The following MYBPC3 variants were observed in gnomAD, a reference collection of about 807,000 sequenced individuals.
MYBPC3 encodes myosin binding protein C3, also known as myosin-binding protein C, cardiac-type.
In MYBPC3, 108 loss-of-function variants were observed where a neutral mutation model predicts 159.3. The ratio of observed to expected loss-of-function variants is 0.68; its 90% CI spans 0.58 to 0.80. The LOEUF is 0.80. Among genes scored for constraint, MYBPC3 ranks in the 30% least tolerant of loss-of-function variants. The pLI, the probability that MYBPC3 is intolerant of heterozygous loss-of-function variation, is 0.00. For missense variants in MYBPC3, 1,631 were observed against 1,762.1 expected (o/e 0.93, Z 1.33); for synonymous variants, 730 against 702.0 (o/e 1.04, Z -0.63).
At position 47,342,042 on chromosome 11, in the gene MYBPC3, T is replaced by C; in HGVS notation, c.1739A>G (p.Asn580Ser). 6.2e-7 allele frequency: 1 copy of C among 1,607,842 alleles called. No individual in the cohort carries two copies. The change falls in exon 18 of 35, where the codon AAT (asparagine) becomes AGT (serine). Residue 580 changes from asparagine to serine, a missense_variant. Physicochemically the swap from Asn to Ser is conservative, Grantham distance 46. Transcript: ENST00000545968. ...DENVRGVWLKNGKELVPDSRI... is the reference protein window; with the variant it reads ...DENVRGVWLKSGKELVPDSRI... ...GCTGTCGGGCACCAGCTCCTTCCCA[T>C]TCTTCAGCCACACACCCCGAACATT...
At chr11:47,344,476 A>C (rs1185071112) in intron 12 of MYBPC3, among the ~76,000 whole-genome samples, 2 of 152,204 alleles carry the variant, frequency 1.3e-5, no homozygotes, top group Non-Finnish European at 2.9e-5. Flanking sequence ...CTGCTCCACA[A>C]CAATGCCTCC....
chr11:47,340,529 T>C (rs1203837290), intron 20 of MYBPC3, among the ~76,000 whole-genome samples: 1 of 152,112 alleles, frequency 6.6e-6, no homozygotes, highest in Non-Finnish European at 1.5e-5. Flanking sequence ...TAGCTGGGCA[T>C]GGTGGCGGGC....
Position 47,346,903 on chromosome 11 carries a change from CT to C in MYBPC3, c.908+123del, listed in dbSNP as rs1263728776. On this transcript the variant is annotated intron_variant, in intron 10 of 34. Transcript: ENST00000545968. The surrounding 1 kb of genome is among the most constrained non-coding windows in gnomAD (Gnocchi z 5.3). ...AAGCCCAAGGCACAGAGACTCACCC[CT>C]GTCCGTGGGGAGCCGCACCCTGCTC... 7 of 731,630 alleles carry C rather than the reference CT, an allele frequency of 9.6e-6. No individual in the cohort carries two copies. Among genetic ancestry groups the C allele is most frequent in the African/African-American group, 1.7e-5 (1 of 57,962 alleles). The allele number at this position is 731,630 out of a possible 1,614,324, so 45.3% of individuals were successfully genotyped here.
rs2095886277 is a variant in MYBPC3, at chr11:47,339,672, G to A, written c.2046C>T (p.Ile682=). ...PISGDPAPTV[I]WQKAITQGNK... is the part of the protein sequence containing the mutation. The stretch of plus-strand genomic sequence containing the variant: ...GTACCTGCGTGATAGCCTTCTGCCA[G>A]ATCACAGTGGGAGCAGGGTCCCCAG... Residue 682 remains isoleucine (I), a synonymous_variant, in exon 21 of 35, where the codon ATC becomes ATT. Transcript: ENST00000545968. 1.9e-6 allele frequency: 3 copies of A among 1,608,792 alleles called. No individual in the cohort carries two copies. The highest frequency in any genetic ancestry group is 2.5e-6 in the Non-Finnish European group (3 of 1,177,090).
chr11:47,333,487 CA>C (rs1180707260), intron 29 of MYBPC3, 69 bp downstream of exon 29: 1 of 1,578,784 alleles, frequency 6.3e-7, no homozygotes, highest in East Asian at 2.3e-5. Context: ...CCCCTGGCCC[CA>C]CCCTTGGCCC....
Position 47,349,786 on chromosome 11 carries a change from G to A in MYBPC3, c.642C>T (p.Asp214=). The A allele has an allele frequency of 6.2e-7, 1 of 1,606,334 alleles. No individual in the cohort carries two copies. The change falls in exon 5 of 35, where the codon GAC becomes GAT. Residue 214 remains aspartate (D), a synonymous_variant. Transcript: ENST00000545968. Reference sequence around the variant, plus strand: ...CCGGTGGACCCACCTTGCTGGCGCGGTCGTAGCTGTCGTGCAGCTGCAGGT... The same window carrying A: ...CCGGTGGACCCACCTTGCTGGCGCGATCGTAGCTGTCGTGCAGCTGCAGGT... ...GQHLQLHDSY[D]RASKVYLFEL...
chr11:47,346,763 G>T lies in MYBPC3; in HGVS notation c.909-119C>A. On this transcript the variant is annotated intron_variant, in intron 10 of 34. Transcript: ENST00000545968. The surrounding 1 kb of genome is among the most constrained non-coding windows in gnomAD (Gnocchi z 5.3). Reference sequence around the variant, plus strand: ...TACTTCCTCCCTATTTTCCGCACTTGCACTCCCTGTGTTGTGGGGCACCCA... The same window carrying T: ...TACTTCCTCCCTATTTTCCGCACTTTCACTCCCTGTGTTGTGGGGCACCCA... The T allele has an allele frequency of 8.9e-7, 1 of 1,124,350 alleles. No homozygotes were observed. The highest frequency in any genetic ancestry group is 1.3e-6 in the Non-Finnish European group (1 of 790,828). 69.6% of individuals were successfully genotyped at this position (1,124,350 alleles called of 1,614,324 possible). A position where few individuals can be genotyped will look rare whatever the true frequency, so the allele number is the denominator to read the frequency against.
At chr11:47,342,494 G>A in intron 17 of MYBPC3, 84 bp downstream of exon 17, 1 of 1,423,662 alleles carries the variant, frequency 7.0e-7, no homozygotes, top group East Asian at 2.5e-5. Flanking sequence ...GCCCAGGTTT[G>A]CCTGCTCCCC....
At chr11:47,341,324 G>A in intron 18 of MYBPC3, 80 bp from the exon 19 acceptor site, 4 of 1,120,038 alleles carry the variant, frequency 3.6e-6, no homozygotes, top group Non-Finnish European at 5.1e-6. Context: ...CAGGGTCCCA[G>A]GAGGCCCTCA....
chr11:47,343,302 A>T lies in MYBPC3; in HGVS notation c.1224-40T>A, dbSNP rs770496728. 3 of 1,533,036 alleles carry T rather than the reference A, an allele frequency of 2.0e-6. No homozygotes were observed. The South Asian group carries it at 3.8e-5, about 19-fold the overall frequency. 95.0% of individuals were successfully genotyped at this position (1,533,036 alleles called of 1,614,324 possible). On this transcript the variant is annotated intron_variant, in intron 13 of 34. Transcript: ENST00000545968. ...GGGCCGTTGAAGTGTTCCCGACGGG[A>T]GGAAGTGAGCCCGAGACAAAAGGAG...
intron 30 of MYBPC3, 73 bp downstream of exon 30, chr11:47,333,121 T>C (rs1360831180): frequency 1.9e-6 from 3 of 1,545,118 alleles, no homozygotes; most frequent in Non-Finnish European, 2.6e-6. Context: ...GTGAGGACAG[T>C]GAAGGGTAGC....
intron 20 of MYBPC3, among the ~76,000 whole-genome samples, chr11:47,340,251 A>T (rs1595845140): frequency 6.6e-6 from 1 of 151,940 alleles, no homozygotes; most frequent in South Asian, 2.1e-4. Context: ...ACAGACACAC[A>T]TATATACATA....
intron 18 of MYBPC3, 84 bp from the exon 19 acceptor site, chr11:47,341,328 G>T: frequency 9.7e-7 from 1 of 1,035,822 alleles, no homozygotes; most frequent in Non-Finnish European, 1.4e-6. Flanking sequence ...GTCCCAGGAG[G>T]CCCTCACCTT....
At position 47,332,290 on chromosome 11, in the gene MYBPC3, C is replaced by T. The variant is rs374674198; in HGVS notation, c.3628-32G>A. ...ATAAGGTAAAGAGAGGGAGGGAAGC[C>T]ATCCAGGCTGAGAGGGGACCTGGCA... On this transcript the variant is annotated intron_variant, in intron 32 of 34. Coordinates refer to ENST00000545968, the MANE Select transcript of MYBPC3 (RefSeq NM_000256.3). The surrounding 1 kb of genome is among the most constrained non-coding windows in gnomAD (Gnocchi z 4.2). 15 of 1,604,454 alleles carry T rather than the reference C, an allele frequency of 9.3e-6. No individual in the cohort carries two copies. The African/African-American group carries it at 1.6e-4, about 17-fold the overall frequency.
chr11:47,342,909 A>C lies in MYBPC3; in HGVS notation c.1378T>G (p.Leu460Val). 6.2e-7 allele frequency: 1 copy of C among 1,612,474 alleles called. No individual in the cohort carries two copies. ...CCCACCATCACCAGCTGGTCCTCCA[A>C]GGGGCGCGTGATGAGCACAGGGGGC... ...KEPPVLITRP[L>V]EDQLVMVGQR... Residue 460 changes from leucine to valine, a missense_variant, in exon 16 of 35, where the codon TTG becomes GTG. Leu to Val is a conservative substitution (Grantham distance 32, BLOSUM62 1). Coordinates refer to ENST00000545968, the MANE Select transcript of MYBPC3 (RefSeq NM_000256.3).
chr11:47,348,930 A>ATATATATATATATATAT (rs1291880008), intron 5 of MYBPC3, among the ~76,000 whole-genome samples: 60 of 133,578 alleles, frequency 4.5e-4, no homozygotes, highest in Non-Finnish European at 6.1e-4. Flanking sequence ...ATATATATTT[A>ATATATATATATATATAT]AAGGAGGCTG....
chr11:47,334,929 C>T, intron 27 of MYBPC3, 113 bp downstream of exon 27: 1 of 1,240,228 alleles, frequency 8.1e-7, no homozygotes, highest in Non-Finnish European at 1.0e-6. Context: ...CTGTCTCTGC[C>T]CAGCGTTCTG....
intron 2 of MYBPC3, 53 bp from the exon 3 acceptor site, chr11:47,350,668 C>T: frequency 1.4e-6 from 2 of 1,421,830 alleles, no homozygotes; most frequent in Non-Finnish European, 1.8e-6. Context: ...GAGACCCCTC[C>T]ACCCTCTCTC....
At chr11:47,335,850 A>C (rs879493928) in intron 26 of MYBPC3, 27 bp downstream of exon 26, 7 of 723,042 alleles carry the variant, frequency 9.7e-6, no homozygotes, top group Non-Finnish European at 1.1e-5. Flanking sequence ...TCCTTTGGGG[A>C]GGGGGGTTGG....
Sources: allele counts gnomAD v4.1 joint callset (sites outside exome capture counted in the v4.1 genomes callset), GRCh38; gene constraint gnomAD v4.1.1; non-coding constraint Gnocchi (gnomAD v3.1); transcripts MANE v1.5; gene names NCBI Gene and HGNC (gene_info 2026-07-23, HGNC 2026-07-21).